Variants in MON2 observed in about 807,000 individuals in gnomAD.
MON2 encodes protein MON2 homolog.
MON2 carries 84 observed loss-of-function variants against 208.6 expected under a neutral mutation model. The ratio of observed to expected loss-of-function variants is 0.40; its 90% CI spans 0.34 to 0.48. The LOEUF (loss-of-function observed/expected upper bound fraction) is 0.48, where lower values mean the gene tolerates loss of function less well. Ranked by LOEUF, MON2 falls within the 20% of genes least tolerant of loss-of-function variation. The pLI is 0.59. For synonymous variants in MON2, 660 were observed against 694.0 expected, an observed-to-expected ratio of 0.95 and a Z score of 0.77; for missense variants, 1,611 against 2,015.4, an observed-to-expected ratio of 0.80 and a Z score of 3.84.
chr12:62,497,626 T>C (rs7316437), intron 4 of MON2, among the ~76,000 whole-genome samples: 22,739 of 151,990 alleles, frequency 0.15, 1,902 homozygotes, highest in East Asian at 0.27. Context: ...TTTTCTTTTC[T>C]TTTTTTGAGA....
At chr12:62,485,550 TC>T (rs2069722721) in intron 2 of MON2, among the ~76,000 whole-genome samples, 1 of 151,978 alleles carries the variant, frequency 6.6e-6, no homozygotes, top group Non-Finnish European at 1.5e-5. Flanking sequence ...TTTTGAACAG[TC>T]TTATCAAAAC....
chr12:62,469,841 T>C (rs1242378167), intron 1 of MON2, among the ~76,000 whole-genome samples: 2 of 152,028 alleles, frequency 1.3e-5, no homozygotes, highest in African/African-American at 4.8e-5. Flanking sequence ...TTCAAATTTT[T>C]AGTCATTTCT....
Position 62,535,607 on chromosome 12 carries a change from T to TC in MON2, c.1799dup (p.Arg601LysfsTer50). The TC allele has an allele frequency of 1.3e-5, 21 of 1,613,826 alleles. No homozygotes were observed. The highest frequency in any genetic ancestry group is 1.8e-5 in the Non-Finnish European group (21 of 1,179,828). On this transcript the variant is annotated frameshift_variant, in exon 14 of 35. Coordinates refer to ENST00000393630, the MANE Select transcript of MON2 (RefSeq NM_015026.3). LOFTEE classifies it high-confidence loss of function. ...TTGTGGAAGACTGGGCCTTGTAACT[T>TC]CAAGAGATGCCTTTATAACTGCAAT... is the stretch of plus-strand genomic sequence containing the variant.
intron 11 of MON2, among the ~76,000 whole-genome samples, chr12:62,530,727 T>C (rs536492056): frequency 6.6e-6 from 1 of 152,334 alleles, no homozygotes; most frequent in African/African-American, 2.4e-5. Context: ...AGACATGTGT[T>C]TTCATTTCTG....
intron 7 of MON2, among the ~76,000 whole-genome samples, chr12:62,504,650 G>A (rs944020360): frequency 6.6e-6 from 1 of 151,832 alleles, no homozygotes; most frequent in Non-Finnish European, 1.5e-5. Flanking sequence ...ATTTCATCCT[G>A]TACAATTTTC....
intron 30 of MON2, among the ~76,000 whole-genome samples, chr12:62,574,439 T>C (rs886966777): frequency 6.6e-6 from 1 of 152,092 alleles, no homozygotes; most frequent in Non-Finnish European, 1.5e-5. Flanking sequence ...TGAAGTCGCA[T>C]GTTCATGGCT....
At chr12:62,533,959 G>A (rs1293393226) in intron 12 of MON2, among the ~76,000 whole-genome samples, 1 of 152,128 alleles carries the variant, frequency 6.6e-6, no homozygotes, top group East Asian at 1.9e-4. Flanking sequence ...ATTTTGCTCA[G>A]TGTATTTACT....
At position 62,527,380 on chromosome 12, in the gene MON2, TATAAAA is replaced by T. The variant is rs1249724238; in HGVS notation, c.1400+1279_1400+1284del. On this transcript the variant is annotated intron_variant, in intron 11 of 34. Coordinates refer to ENST00000393630, the MANE Select transcript of MON2 (RefSeq NM_015026.3). ...CTTACAGCTTTATTTTGCATAAAAT[TATAAAA>T]GTATAGAGTCATAGAAGACTGAAAT... Among the ~76,000 whole-genome samples, 11 of 152,332 alleles carry T rather than the reference TATAAAA, an allele frequency of 7.2e-5. No individual in the cohort carries two copies. In the East Asian group the frequency reaches 2.1e-3, roughly 29 times the overall value.
rs1033592023 is a variant in MON2, at chr12:62,510,373, A to G, written c.984+1893A>G. 3.9e-5 allele frequency among the ~76,000 whole-genome samples: 6 copies of G among 152,168 alleles called. 1 individual carries two copies. The highest frequency in any genetic ancestry group is 8.8e-5 in the Non-Finnish European group (6 of 68,000). ...TCAAGCTCCCTGATAAATATTGATT[A>G]AAAAAATTCTCAAGAAAGTACAAGG... On this transcript the variant is annotated intron_variant, in intron 8 of 34. Coordinates refer to ENST00000393630, the MANE Select transcript of MON2 (RefSeq NM_015026.3).
intron 25 of MON2, among the ~76,000 whole-genome samples, chr12:62,557,240 T>A (rs537676246): frequency 6.6e-6 from 1 of 152,350 alleles, no homozygotes; most frequent in Non-Finnish European, 1.5e-5. Context: ...CAAGGAAGGA[T>A]GACAGGATGT....
At chr12:62,559,393 A>G (rs1177538569) in intron 25 of MON2, among the ~76,000 whole-genome samples, 1 of 152,184 alleles carries the variant, frequency 6.6e-6, no homozygotes, top group Admixed American at 6.5e-5. Flanking sequence ...ATGGTGGCTC[A>G]TGGCTGTAAT....
chr12:62,541,022 A>G lies in MON2; in HGVS notation c.2365-2075A>G, dbSNP rs114685614. Among the ~76,000 whole-genome samples, 720 of 152,330 alleles carry G rather than the reference A, an allele frequency of 4.7e-3. 6 individuals carry two copies. Among genetic ancestry groups the G allele is most frequent in the African/African-American group, 0.016 (669 of 41,572 alleles). ...GTTCTTTAGGTGTGGCTTTACAGTG[A>G]TCAGCATCTCGTTTTTGATCCTCGT... On this transcript the variant is annotated intron_variant, in intron 19 of 34. Coordinates refer to ENST00000393630, the MANE Select transcript of MON2 (RefSeq NM_015026.3).
rs2074594447 is a variant in MON2, at chr12:62,571,455, G to C, written c.4387G>C (p.Val1463Leu). ...TTCTGAAAGCACATGGAAACTAGCA[G>C]TATCCTCTCTCCTCAGAGTTCTTTC... ...CPSESTWKLA[V>L]SSLLRVLSIG... The change falls in exon 30 of 35, where the codon GTA becomes CTA. Residue 1463 changes from valine (V) to leucine (L), a missense_variant. Coordinates refer to ENST00000393630, the MANE Select transcript of MON2 (RefSeq NM_015026.3). The C allele has an allele frequency of 1.2e-6, 2 of 1,613,284 alleles. No homozygotes were observed. Among genetic ancestry groups the C allele is most frequent in the Admixed American group, 1.7e-5 (1 of 59,984 alleles).
chr12:62,583,296 C>T (rs1198944944), intron 32 of MON2, among the ~76,000 whole-genome samples: 1 of 152,084 alleles, frequency 6.6e-6, no homozygotes, highest in Non-Finnish European at 1.5e-5. Context: ...CACACCACTG[C>T]ACTCCAGCCT....
chr12:62,495,331 G>A (rs934919037), intron 4 of MON2, among the ~76,000 whole-genome samples, 184 bp downstream of exon 4: 4 of 152,210 alleles, frequency 2.6e-5, no homozygotes, highest in East Asian at 1.9e-4. Flanking sequence ...TTGAAATCAC[G>A]TTGGGGTGCT....
At chr12:62,520,280 A>G (rs1377217805) in intron 8 of MON2, among the ~76,000 whole-genome samples, 1 of 152,188 alleles carries the variant, frequency 6.6e-6, no homozygotes, top group Non-Finnish European at 1.5e-5. Context: ...TCCTGCAAAT[A>G]TTACATTTGT....
chr12:62,497,224 T>C (rs1285516862), intron 4 of MON2, among the ~76,000 whole-genome samples: 2 of 145,370 alleles, frequency 1.4e-5, no homozygotes, highest in African/African-American at 2.6e-5. Flanking sequence ...AAATGACGAG[T>C]TAATGGGTGC....
At chr12:62,560,274 G>A (rs560408661) in intron 25 of MON2, 47 of 440,094 alleles carry the variant, frequency 1.1e-4, no homozygotes, top group African/African-American at 9.6e-4. Flanking sequence ...TCCTCTTGGT[G>A]CCCTTTGTTC....
chr12:62,492,404 G>A (rs565450675), intron 2 of MON2, among the ~76,000 whole-genome samples: 4,461 of 127,826 alleles, frequency 0.035, 258 homozygotes, highest in African/African-American at 0.13. Flanking sequence ...TCGCTCTGTC[G>A]CCCAGGCCGG....
Sources: gnomAD v4.1 joint callset for allele counts (sites outside exome capture counted in the v4.1 genomes callset) on GRCh38, gnomAD v4.1.1 for gene constraint, MANE v1.5 for transcripts, NCBI Gene and HGNC (gene_info 2026-07-23, HGNC 2026-07-21) for gene names.